The following XXYLT1 variants were observed in gnomAD, a reference collection of about 807,000 sequenced individuals.
XXYLT1 encodes xyloside xylosyltransferase 1, also known as UDP-xylose:alpha-xyloside alpha-1,3-xylosyltransferase.
XXYLT1 carries 20 observed loss-of-function variants against 28.9 expected under a neutral mutation model. That is an observed-to-expected ratio of 0.69 (90% confidence interval 0.49 to 1.00). The LOEUF (loss-of-function observed/expected upper bound fraction) is 1.00, where lower values mean the gene tolerates loss of function less well. XXYLT1 is among the 50% of genes least tolerant of loss of function. The pLI is 0.00. For synonymous variants in XXYLT1, 257 were observed against 253.8 expected (o/e 1.01, Z -0.12); for missense variants, 542 against 560.1 (o/e 0.97, Z 0.33).
chr3:195,252,803 C>G (rs1415281851), intron 1 of XXYLT1, among the ~76,000 whole-genome samples: 1 of 150,886 alleles, frequency 6.6e-6, no homozygotes. Flanking sequence ...AAACTCACAG[C>G]TCAGGTTACA....
intron 3 of XXYLT1, among the ~76,000 whole-genome samples, chr3:195,110,686 CTG>C: frequency 5.3e-5 from 2 of 38,020 alleles, no homozygotes; most frequent in East Asian, 5.8e-4. Context: ...TGTGTGTGTG[CTG>C]TATGTGTGCA....
chr3:195,220,975 G>A (rs758488217), intron 2 of XXYLT1, among the ~76,000 whole-genome samples: 4 of 152,138 alleles, frequency 2.6e-5, no homozygotes, highest in Admixed American at 6.5e-5. Context: ...CCCAGTGATC[G>A]AGGTCAACAG....
chr3:195,079,079 C>T (rs1715283971), intron 3 of XXYLT1, among the ~76,000 whole-genome samples: 1 of 152,238 alleles, frequency 6.6e-6, no homozygotes, highest in Admixed American at 6.5e-5. Context: ...GATGGTCAGC[C>T]TCAATTTGCA....
chr3:195,076,314 A>G lies in XXYLT1; in HGVS notation c.786-6203T>C, dbSNP rs753685093. ...CCACACCCACCCGTTCCAGAGAGGA[A>G]GAAGCCCGCACGGGGTCACGGGGCC... On this transcript the variant is annotated intron_variant, in intron 3 of 3. Coordinates refer to ENST00000310380, the MANE Select transcript of XXYLT1 (RefSeq NM_152531.5). The surrounding 1 kb of genome is among the most constrained non-coding windows in gnomAD (Gnocchi z 5.3). 2.5e-4 allele frequency among the ~76,000 whole-genome samples: 38 copies of G among 151,600 alleles called. No homozygotes were observed. Among genetic ancestry groups the G allele is most frequent in the Non-Finnish European group, 4.7e-4 (32 of 67,936 alleles).
intron 2 of XXYLT1, among the ~76,000 whole-genome samples, chr3:195,202,170 C>T (rs1293932862): frequency 1.3e-5 from 2 of 151,876 alleles, no homozygotes; most frequent in African/African-American, 4.8e-5. Context: ...GAGTGAGACT[C>T]CGTCTCAAAA....
chr3:195,254,765 C>T (rs1233267452), intron 1 of XXYLT1, among the ~76,000 whole-genome samples: 1 of 152,238 alleles, frequency 6.6e-6, no homozygotes, highest in Non-Finnish European at 1.5e-5. Flanking sequence ...TAAGGGTCCA[C>T]CTAGCACGCG....
At chr3:195,251,166 G>A (rs560926993) in intron 1 of XXYLT1, among the ~76,000 whole-genome samples, 106 of 152,296 alleles carry the variant, frequency 7.0e-4, no homozygotes, top group Non-Finnish European at 1.2e-3. Context: ...CTGCTGCCCC[G>A]CGGGCAGGTC....
chr3:195,139,284 C>T (rs1235632800), intron 3 of XXYLT1, among the ~76,000 whole-genome samples: 35 of 152,152 alleles, frequency 2.3e-4, no homozygotes, highest in Admixed American at 1.4e-3. Context: ...CAGGAGACTA[C>T]GTCTGATGTG....
rs151110916 is a variant in XXYLT1, at chr3:195,250,349, G to C, written c.504+20206C>G. ...AGGCCGAGGTGGATGGATCACGTGA[G>C]GTCAGGAGTTTGAGACTAGCCTGGC... On this transcript the variant is annotated intron_variant, in intron 1 of 3. Coordinates refer to ENST00000310380, the MANE Select transcript of XXYLT1 (RefSeq NM_152531.5). Among the ~76,000 whole-genome samples, 426 of 152,326 alleles carry C rather than the reference G, an allele frequency of 2.8e-3. 3 individuals are homozygous for C. The East Asian group carries it at 0.029, about 10-fold the overall frequency.
Position 195,268,519 on chromosome 3 carries a change from AC to A in XXYLT1, c.504+2035del, listed in dbSNP as rs377659195. Among the ~76,000 whole-genome samples the A allele has an allele frequency of 2.8e-3, 430 of 152,084 alleles. 1 individual carries two copies. The highest frequency in any genetic ancestry group is 0.01 in the African/African-American group (421 of 41,478). Reference sequence around the variant, plus strand: ...GAGAGGCTGAGGCAGAATCGCTCGAACCCAGGAGGCAGAGGTTGCAGTGAGC... The same window carrying A: ...GAGAGGCTGAGGCAGAATCGCTCGAACCAGGAGGCAGAGGTTGCAGTGAGC... On this transcript the variant is annotated intron_variant, in intron 1 of 3. Transcript: ENST00000310380.
chr3:195,086,603 T>C (rs1364260506), intron 3 of XXYLT1, among the ~76,000 whole-genome samples: 3 of 152,068 alleles, frequency 2.0e-5, no homozygotes, highest in Non-Finnish European at 4.4e-5. Context: ...AAGCTGACCT[T>C]GCTGCTAAAG....
At chr3:195,181,210 C>T (rs1279179270) in intron 2 of XXYLT1, among the ~76,000 whole-genome samples, 1 of 152,230 alleles carries the variant, frequency 6.6e-6, no homozygotes, top group Non-Finnish European at 1.5e-5. Flanking sequence ...TTCTCTCTGA[C>T]AATGACGGCT....
chr3:195,155,658 C>T (rs185042528), intron 3 of XXYLT1, among the ~76,000 whole-genome samples: 4,573 of 148,004 alleles, frequency 0.031, 246 homozygotes, highest in African/African-American at 0.11. Flanking sequence ...CACCCCCACG[C>T]CCCCCACCGC....
In XXYLT1 at chr3:195,186,764, A is replaced by G. The variant is rs376224613; in HGVS notation, c.653-30183T>C. On this transcript the variant is annotated intron_variant, in intron 2 of 3. Transcript: ENST00000310380. ...GAGACCGACCCCATCTGTTTTTCTA[A>G]CCCCCATGTCCTTAGCACCTAGGCA... Among the ~76,000 whole-genome samples, 41 of 151,478 alleles carry G rather than the reference A, an allele frequency of 2.7e-4. No homozygotes were observed. In the East Asian group the frequency reaches 6.3e-3, roughly 23 times the overall value.
intron 2 of XXYLT1, among the ~76,000 whole-genome samples, chr3:195,199,231 C>T (rs6788143): frequency 0.051 from 7,719 of 152,090 alleles, 603 homozygotes; most frequent in African/African-American, 0.18. Flanking sequence ...GCCACCGGCT[C>T]GAGGTTCCCA....
chr3:195,206,227 G>A (rs1462142412), intron 2 of XXYLT1, among the ~76,000 whole-genome samples: 2 of 151,426 alleles, frequency 1.3e-5, no homozygotes, highest in East Asian at 3.9e-4. Context: ...AGCCAGGATG[G>A]TGTCAATCTC....
chr3:195,243,811 G>A (rs1724885674), intron 1 of XXYLT1, among the ~76,000 whole-genome samples: 1 of 152,218 alleles, frequency 6.6e-6, no homozygotes, highest in Non-Finnish European at 1.5e-5. Context: ...CAGAACCACA[G>A]GCTGGGCCCC....
At chr3:195,179,149 G>C (rs757543093) in intron 2 of XXYLT1, among the ~76,000 whole-genome samples, 5 of 152,120 alleles carry the variant, frequency 3.3e-5, no homozygotes, top group South Asian at 2.1e-4. Flanking sequence ...AGACCATCTT[G>C]GGCAATATGG....
intron 3 of XXYLT1, among the ~76,000 whole-genome samples, chr3:195,084,120 C>T (rs900456000): frequency 6.6e-6 from 1 of 152,162 alleles, no homozygotes; most frequent in African/African-American, 2.4e-5. Context: ...TCACCAAGTT[C>T]AGAGCTGGAG....
Sources: gnomAD v4.1 joint callset for allele counts (sites outside exome capture counted in the v4.1 genomes callset) on GRCh38, gnomAD v4.1.1 for gene constraint, Gnocchi (gnomAD v3.1) non-coding constraint, MANE v1.5 for transcripts, NCBI Gene and HGNC (gene_info 2026-07-23, HGNC 2026-07-21) for gene names.